AGPAT5: variants seen among roughly 807,000 people sequenced by gnomAD.
AGPAT5 encodes the protein 1-acylglycerol-3-phosphate O-acyltransferase 5.
A neutral mutation model predicts 45.6 loss-of-function variants in AGPAT5; 46 were observed. That is an observed-to-expected ratio of 1.01 (90% confidence interval 0.80 to 1.29). AGPAT5 has a LOEUF of 1.29. AGPAT5 is among the 50% of genes most tolerant of loss of function. The probability of loss-of-function intolerance (pLI) is 0.00; values close to 1 mark genes in which losing one functional copy is unlikely to be tolerated. For synonymous variants in AGPAT5, 272 were observed against 167.0 expected, an observed-to-expected ratio of 1.63 and a Z score of -4.85; for missense variants, 673 against 450.7, an observed-to-expected ratio of 1.49 and a Z score of -4.47.
chr8:6,734,732 G>A (rs1475640989), intron 4 of AGPAT5, among the ~76,000 whole-genome samples: 1 of 152,008 alleles, frequency 6.6e-6, no homozygotes, highest in Non-Finnish European at 1.5e-5. Context: ...TTGATACCTG[G>A]AAATGGATAG....
chr8:6,713,810 G>A (rs189514134), intron 1 of AGPAT5, among the ~76,000 whole-genome samples: 43 of 152,136 alleles, frequency 2.8e-4, no homozygotes, highest in African/African-American at 8.7e-4. Context: ...CAAGTGATCC[G>A]TCCTTGATCC....
rs1361819457 is a variant in AGPAT5, at chr8:6,761,043, G to T, written c.*3655G>T. Among the ~76,000 whole-genome samples, 1 of 152,034 alleles carries T rather than the reference G, an allele frequency of 6.6e-6. No homozygotes were observed. The highest frequency in any genetic ancestry group is 6.6e-5 in the Admixed American group (1 of 15,252). On this transcript the variant is annotated 3_prime_UTR_variant, in exon 8 of 8. Coordinates refer to ENST00000285518, the MANE Select transcript of AGPAT5 (RefSeq NM_018361.5). ...GTAAATCTATTCCTGTAGCAACTGG[G>T]GAGTCATATATGAGGTCAAAGACAT...
rs528461712 is a variant in AGPAT5 at position 6,735,410 on chromosome 8, G to C, written c.495+2760G>C. Among the ~76,000 whole-genome samples the C allele has an allele frequency of 2.0e-5, 3 of 152,320 alleles. No homozygotes were observed. In the South Asian group the frequency reaches 6.2e-4, roughly 32 times the overall value. On this transcript the variant is annotated intron_variant, in intron 4 of 7. Transcript: ENST00000285518. ...AGTACACAGGAGGTCTGTGGGTCGA[G>C]CCTGTGAAATGTGCTGCATTCTCCT...
chr8:6,724,921 G>A lies in AGPAT5; in HGVS notation c.271G>A (p.Ala91Thr), dbSNP rs1334708787. 11 of 1,170,872 alleles carry A rather than the reference G, an allele frequency of 9.4e-6. No homozygotes were observed. Among genetic ancestry groups the A allele is most frequent in the Non-Finnish European group, 1.2e-5 (11 of 888,074 alleles). 72.5% of individuals were successfully genotyped at this position (1,170,872 alleles called of 1,614,324 possible). Residue 91 changes from alanine to threonine, a missense_variant, in exon 2 of 8, where the codon GCA (alanine) becomes ACA (threonine). By Grantham distance (58) the Ala-to-Thr change is moderately conservative. Transcript: ENST00000285518. ...PKNKENIIYL[A>T]NHQSTVDWIV... Reference sequence around the variant, plus strand: ...AAATAAAGAAAATATAATATATTTAGCAAATCATCAAAGCACAGGTTTGTA... The same window carrying A: ...AAATAAAGAAAATATAATATATTTAACAAATCATCAAAGCACAGGTTTGTA...
intron 5 of AGPAT5, among the ~76,000 whole-genome samples, chr8:6,747,465 A>C (rs1801512299): frequency 6.6e-6 from 1 of 152,280 alleles, no homozygotes; most frequent in South Asian, 2.1e-4. Context: ...ATATTTGATC[A>C]ATATATAGCA....
intron 5 of AGPAT5, among the ~76,000 whole-genome samples, chr8:6,742,574 A>G (rs1281203442): frequency 2.0e-5 from 3 of 152,192 alleles, no homozygotes; most frequent in African/African-American, 4.8e-5. Flanking sequence ...TTTCTGCAAT[A>G]ATGGTAAAGT....
At chr8:6,723,485 C>G (rs1032290007) in intron 1 of AGPAT5, among the ~76,000 whole-genome samples, 1 of 151,910 alleles carries the variant, frequency 6.6e-6, no homozygotes, top group Non-Finnish European at 1.5e-5. Context: ...CTCCCCAAAG[C>G]ACTGGGATTG....
chr8:6,756,764 G>A (rs2980694), intron 7 of AGPAT5, among the ~76,000 whole-genome samples: 1 of 152,182 alleles, frequency 6.6e-6, no homozygotes, highest in Non-Finnish European at 1.5e-5. Flanking sequence ...AGGGACCGCT[G>A]TCTAAGAACC....
chr8:6,726,614 C>T (rs1800695017), intron 2 of AGPAT5, among the ~76,000 whole-genome samples: 1 of 151,988 alleles, frequency 6.6e-6, no homozygotes, highest in Admixed American at 6.6e-5. Flanking sequence ...TTAAGGACTT[C>T]TAGAAAACAT....
At chr8:6,735,096 C>G (rs1325908371) in intron 4 of AGPAT5, among the ~76,000 whole-genome samples, 1 of 152,160 alleles carries the variant, frequency 6.6e-6, no homozygotes, top group African/African-American at 2.4e-5. Flanking sequence ...CTTCTCTGAT[C>G]CTGCCTTGCT....
At chr8:6,743,645 GGTTTT>G (rs1801318126) in intron 5 of AGPAT5, among the ~76,000 whole-genome samples, 1 of 152,042 alleles carries the variant, frequency 6.6e-6, no homozygotes, top group Admixed American at 6.6e-5. Context: ...CTGTTCGAAG[GGTTTT>G]GTTTTAACTA....
chr8:6,750,212 G>A (rs970638267), intron 6 of AGPAT5, among the ~76,000 whole-genome samples: 1 of 152,170 alleles, frequency 6.6e-6, no homozygotes, highest in Non-Finnish European at 1.5e-5. Flanking sequence ...TACAGTGCTG[G>A]CACTTAGCAC....
chr8:6,712,540 A>G (rs1250726500), intron 1 of AGPAT5, among the ~76,000 whole-genome samples: 3 of 152,212 alleles, frequency 2.0e-5, no homozygotes, highest in African/African-American at 4.8e-5. Flanking sequence ...TGGAATGCTT[A>G]GAGACTCAGA....
chr8:6,725,606 G>A (rs931662971), intron 2 of AGPAT5, among the ~76,000 whole-genome samples: 6 of 152,176 alleles, frequency 3.9e-5, no homozygotes, highest in African/African-American at 1.4e-4. Context: ...TAGCACAGTA[G>A]CAGAATCAGG....
At chr8:6,726,423 G>T (rs541698850) in intron 2 of AGPAT5, among the ~76,000 whole-genome samples, 1 of 152,130 alleles carries the variant, frequency 6.6e-6, no homozygotes, top group African/African-American at 2.4e-5. Flanking sequence ...TTACCTGCCA[G>T]CTTTTCTTTG....
At chr8:6,715,864 G>A (rs1800311461) in intron 1 of AGPAT5, among the ~76,000 whole-genome samples, 1 of 152,146 alleles carries the variant, frequency 6.6e-6, no homozygotes, top group African/African-American at 2.4e-5. Flanking sequence ...TTGAACATGC[G>A]TAATTAACAT....
chr8:6,712,372 TTA>T (rs35603168), intron 1 of AGPAT5, among the ~76,000 whole-genome samples: 49,099 of 150,080 alleles, frequency 0.33, 10,082 homozygotes, highest in African/African-American at 0.57. Context: ...CATCTTGTGA[TTA>T]TATATATATA....
chr8:6,723,629 G>C (rs192949740), intron 1 of AGPAT5, among the ~76,000 whole-genome samples: 2 of 152,186 alleles, frequency 1.3e-5, no homozygotes, highest in Non-Finnish European at 2.9e-5. Flanking sequence ...TTTTAACTCT[G>C]AACAGATCAA....
intron 1 of AGPAT5, among the ~76,000 whole-genome samples, chr8:6,714,158 A>G (rs1300817804): frequency 1.3e-5 from 2 of 152,174 alleles, no homozygotes; most frequent in Non-Finnish European, 2.9e-5. Context: ...CCTAACAAGA[A>G]TATGAATCAT....
Sources: gnomAD v4.1 joint callset for allele counts (sites outside exome capture counted in the v4.1 genomes callset) on GRCh38, gnomAD v4.1.1 for gene constraint, MANE v1.5 for transcripts, NCBI Gene and HGNC (gene_info 2026-07-23, HGNC 2026-07-21) for gene names.